Variants in STON2 observed in about 807,000 individuals in gnomAD.
STON2 encodes stonin 2.
A neutral mutation model predicts 65.7 loss-of-function variants in STON2; 29 were observed. The ratio of observed to expected loss-of-function variants is 0.44; its 90% CI spans 0.33 to 0.60. STON2 has a LOEUF of 0.60. Ranked by LOEUF, STON2 falls within the 20% of genes least tolerant of loss-of-function variation. The pLI is 0.03. For synonymous variants in STON2, 404 were observed against 414.2 expected, an observed-to-expected ratio of 0.98 and a Z score of 0.30; for missense variants, 1,054 against 1,118.1, an observed-to-expected ratio of 0.94 and a Z score of 0.82.
rs1219904044 is a variant in STON2 at position 81,261,861 on chromosome 14, C to A, written c.*6553G>T. 12 of 1,533,560 alleles carry A rather than the reference C, an allele frequency of 7.8e-6. No homozygotes were observed. The highest frequency in any genetic ancestry group is 1.0e-5 in the Non-Finnish European group (12 of 1,146,438). 95.0% of individuals were successfully genotyped at this position (1,533,560 alleles called of 1,614,324 possible). ...CCTGATCTTCACCACCCTCTTTGATCCTCTTTTTAAATCTGTGTGTGGAAG... is the reference window on the plus strand; with the variant it reads ...CCTGATCTTCACCACCCTCTTTGATACTCTTTTTAAATCTGTGTGTGGAAG... On this transcript the variant is annotated 3_prime_UTR_variant, in exon 8 of 8. Coordinates refer to ENST00000614646, the MANE Select transcript of STON2 (RefSeq NM_001394390.1).
chr14:81,295,526 GA>G (rs1304537996), intron 5 of STON2, among the ~76,000 whole-genome samples: 2 of 152,156 alleles, frequency 1.3e-5, no homozygotes, highest in Non-Finnish European at 2.9e-5. Flanking sequence ...TCTGAGAAAG[GA>G]AATTAAATCA....
At chr14:81,299,912 G>T (rs1392540071) in intron 5 of STON2, among the ~76,000 whole-genome samples, 1 of 147,954 alleles carries the variant, frequency 6.8e-6, no homozygotes, top group Non-Finnish European at 1.5e-5. Context: ...TTGATCTATA[G>T]AATCAATATG....
intron 5 of STON2, among the ~76,000 whole-genome samples, chr14:81,317,341 C>T (rs1377961691): frequency 6.6e-6 from 1 of 152,202 alleles, no homozygotes; most frequent in Non-Finnish European, 1.5e-5. Context: ...TAGGGGATCA[C>T]ATTTCAACAT....
intron 5 of STON2, among the ~76,000 whole-genome samples, chr14:81,317,784 AATACC>A (rs1435258293): frequency 6.6e-6 from 1 of 152,164 alleles, no homozygotes; most frequent in Admixed American, 6.5e-5. Context: ...CCACACACAT[AATACC>A]CCTCCTGGAA....
In STON2 at chr14:81,379,664, T is replaced by C. The variant is rs569096968; in HGVS notation, c.374-8479A>G. On this transcript the variant is annotated intron_variant, in intron 3 of 7. Transcript: ENST00000614646. Reference sequence around the variant, plus strand: ...AAAACAGATACACAGACCAATGAAATAGGTTAGAGAACCCAGAATAAAGCT... The same window carrying C: ...AAAACAGATACACAGACCAATGAAACAGGTTAGAGAACCCAGAATAAAGCT... Among the ~76,000 whole-genome samples the C allele has an allele frequency of 5.3e-5, 8 of 152,194 alleles. No individual in the cohort carries two copies. In the South Asian group the frequency reaches 1.7e-3, roughly 32 times the overall value.
Position 81,263,749 on chromosome 14 carries a change from G to T in STON2, c.*4665C>A, listed in dbSNP as rs545397609. 9.1e-6 allele frequency: 9 copies of T among 985,254 alleles called. No individual in the cohort carries two copies. The South Asian group carries it at 3.3e-4, about 36-fold the overall frequency. The allele number at this position is 985,254 out of a possible 1,614,324, so 61.0% of individuals were successfully genotyped here. On this transcript the variant is annotated 3_prime_UTR_variant, in exon 8 of 8. Transcript: ENST00000614646. The stretch of plus-strand genomic sequence containing the variant: ...AATCCTCATTTTTAGAAGAGTTAAA[G>T]TTACCACTCGAACTGGGAGCATTTC...
chr14:81,263,117 T>G lies in STON2; in HGVS notation c.*5297A>C, dbSNP rs1894215093. 1.0e-6 allele frequency: 1 copy of G among 985,320 alleles called. No homozygotes were observed. Among genetic ancestry groups the G allele is most frequent in the African/African-American group, 1.7e-5 (1 of 57,240 alleles). The allele number at this position is 985,320 out of a possible 1,614,324, so 61.0% of individuals were successfully genotyped here. A position where few individuals can be genotyped will look rare whatever the true frequency, so the allele number is the denominator to read the frequency against. On this transcript the variant is annotated 3_prime_UTR_variant, in exon 8 of 8. Coordinates refer to ENST00000614646, the MANE Select transcript of STON2 (RefSeq NM_001394390.1). ...GATATTTTTTTGTGGATTTAATTTTTTGTTAGTTTTGCTTGAAATTCCTGT... is the reference window on the plus strand; with the variant it reads ...GATATTTTTTTGTGGATTTAATTTTGTGTTAGTTTTGCTTGAAATTCCTGT...
At chr14:81,407,065 G>A (rs532775410) in intron 2 of STON2, among the ~76,000 whole-genome samples, 2 of 152,334 alleles carry the variant, frequency 1.3e-5, no homozygotes, top group South Asian at 4.1e-4. Context: ...GCCAAGGCGA[G>A]TGTCAGGCTC....
At chr14:81,306,184 T>C (rs1456865141) in intron 5 of STON2, among the ~76,000 whole-genome samples, 31 of 147,562 alleles carry the variant, frequency 2.1e-4, no homozygotes, top group Middle Eastern at 3.5e-3. Context: ...TATATATATA[T>C]ACACTCTATT....
intron 5 of STON2, among the ~76,000 whole-genome samples, chr14:81,283,655 T>C (rs1020070710): frequency 6.6e-6 from 1 of 151,526 alleles, no homozygotes; most frequent in African/African-American, 2.4e-5. Context: ...CTCAGCCTCC[T>C]GAGTAGCTGG....
Position 81,266,597 on chromosome 14 carries a change from T to C in STON2, c.*1817A>G. ...TGTCTCTCTTAAAATATGATACCCA[T>C]AATTGAACTCAACCCTCCATTTAGA... On this transcript the variant is annotated 3_prime_UTR_variant, in exon 8 of 8. Coordinates refer to ENST00000614646, the MANE Select transcript of STON2 (RefSeq NM_001394390.1). The C allele has an allele frequency of 1.2e-6, 1 of 830,056 alleles. No homozygotes were observed. Among genetic ancestry groups the C allele is most frequent in the Non-Finnish European group, 1.5e-6 (1 of 688,330 alleles). The allele number at this position is 830,056 out of a possible 1,614,324, so 51.4% of individuals were successfully genotyped here.
Position 81,395,985 on chromosome 14 carries a change from G to A in STON2, c.282C>T (p.Asp94=). 1.2e-6 allele frequency: 2 copies of A among 1,614,200 alleles called. No homozygotes were observed. The highest frequency in any genetic ancestry group is 1.7e-6 in the Non-Finnish European group (2 of 1,180,024). ...PPGSPEQPPP[D]LASAISNWVQ... ...CCCAGTTGCTGATGGCCGAGGCCAG[G>A]TCAGGTGGGGGCTGCTCAGGGCTCC... The change falls in exon 3 of 8, where the codon GAC becomes GAT. Residue 94 remains aspartate, a synonymous_variant. Coordinates refer to ENST00000614646, the MANE Select transcript of STON2 (RefSeq NM_001394390.1).
chr14:81,268,065 G>C lies in STON2; in HGVS notation c.*349C>G. 9.0e-6 allele frequency: 9 copies of C among 995,090 alleles called. 1 individual carries two copies. The South Asian group carries it at 3.6e-4, about 40-fold the overall frequency. 61.6% of individuals were successfully genotyped at this position (995,090 alleles called of 1,614,324 possible). A position where few individuals can be genotyped will look rare whatever the true frequency, so the allele number is the denominator to read the frequency against. On this transcript the variant is annotated 3_prime_UTR_variant, in exon 8 of 8. Transcript: ENST00000614646. ...CAATCGTGCTAACACTGATGTGGGA[G>C]GTTCTTTTCCTGACTGTAACAGTCA...
At chr14:81,366,415 A>G (rs1335369211) in intron 4 of STON2, among the ~76,000 whole-genome samples, 1 of 152,158 alleles carries the variant, frequency 6.6e-6, no homozygotes. Flanking sequence ...TCTCCAAACA[A>G]GAGATGAATC....
chr14:81,403,810 C>T (rs769932511), upstream of STON2, among the ~76,000 whole-genome samples: 15 of 152,196 alleles, frequency 9.9e-5, no homozygotes, highest in Non-Finnish European at 1.8e-4. Flanking sequence ...CAACCAAAAA[C>T]TCTGATCTAT....
At chr14:81,409,801 C>T (rs2139854080) in intron 2 of STON2, among the ~76,000 whole-genome samples, 1 of 152,340 alleles carries the variant, frequency 6.6e-6, no homozygotes, top group East Asian at 1.9e-4. Context: ...CACTGCATCA[C>T]CAGCATCCAT....
chr14:81,300,213 A>G (rs61978895), intron 5 of STON2, among the ~76,000 whole-genome samples: 10,363 of 152,088 alleles, frequency 0.068, 518 homozygotes, highest in Non-Finnish European at 0.1. Flanking sequence ...TCAATAAAAC[A>G]TCCTGGAGCA....
In STON2 at chr14:81,330,775, T is replaced by G. The variant is rs546917360; in HGVS notation, c.572-6588A>C. Reference sequence around the variant, plus strand: ...CTCCCTCAGGGCAAAAATTACCTCCTTTCACACCATCTATTAGCACCTACT... The same window carrying G: ...CTCCCTCAGGGCAAAAATTACCTCCGTTCACACCATCTATTAGCACCTACT... On this transcript the variant is annotated intron_variant, in intron 4 of 7. Coordinates refer to ENST00000614646, the MANE Select transcript of STON2 (RefSeq NM_001394390.1). 3.9e-5 allele frequency among the ~76,000 whole-genome samples: 6 copies of G among 152,330 alleles called. No homozygotes were observed. The East Asian group carries it at 1.2e-3, about 29-fold the overall frequency.
chr14:81,295,820 T>G (rs1299608470), intron 5 of STON2, among the ~76,000 whole-genome samples: 1 of 152,234 alleles, frequency 6.6e-6, no homozygotes, highest in Non-Finnish European at 1.5e-5. Context: ...GAAATTAAAT[T>G]TCTTAATAAC....
Sources: allele counts gnomAD v4.1 joint callset (sites outside exome capture counted in the v4.1 genomes callset), GRCh38; gene constraint gnomAD v4.1.1; transcripts MANE v1.5; gene names NCBI Gene and HGNC (gene_info 2026-07-23, HGNC 2026-07-21).